CNTNAP2: variants seen among roughly 807,000 people sequenced by gnomAD.
CNTNAP2 encodes the protein contactin-associated protein-like 2.
CNTNAP2 carries 98 observed loss-of-function variants against 155.2 expected under a neutral mutation model. The observed-to-expected ratio is 0.63, with a 90% confidence interval of 0.54 to 0.75. The LOEUF is 0.75. CNTNAP2 is among the 30% of genes least tolerant of loss of function. The pLI is 0.00. For missense variants in CNTNAP2, 1,727 were observed against 1,688.1 expected, an observed-to-expected ratio of 1.02 and a Z score of -0.40; for synonymous variants, 651 against 631.2, an observed-to-expected ratio of 1.03 and a Z score of -0.47.
intron 2 of CNTNAP2, among the ~76,000 whole-genome samples, chr7:146,823,103 T>C (rs1375653777): frequency 8.6e-5 from 6 of 69,904 alleles, no homozygotes; most frequent in African/African-American, 2.6e-4. Context: ...ATACTCATTC[T>C]TCAGCATATT....
chr7:147,653,957 T>C (rs747603851), intron 13 of CNTNAP2, among the ~76,000 whole-genome samples: 47 of 152,226 alleles, frequency 3.1e-4, no homozygotes, highest in Non-Finnish European at 5.7e-4. Context: ...ATCAACATTA[T>C]GAGACGTTGA....
At chr7:146,197,455 C>T (rs2116861332) in intron 1 of CNTNAP2, among the ~76,000 whole-genome samples, 1 of 152,214 alleles carries the variant, frequency 6.6e-6, no homozygotes. Flanking sequence ...GACAGTGTGA[C>T]TGAAATTTAA....
chr7:148,034,559 A>G (rs1233356384), intron 15 of CNTNAP2, among the ~76,000 whole-genome samples: 1 of 152,160 alleles, frequency 6.6e-6, no homozygotes, highest in Non-Finnish European at 1.5e-5. Flanking sequence ...TTGATCTTGA[A>G]CTTCTGTGCT....
At chr7:146,827,337 T>C (rs911027342) in intron 2 of CNTNAP2, among the ~76,000 whole-genome samples, 8 of 152,052 alleles carry the variant, frequency 5.3e-5, no homozygotes, top group African/African-American at 1.9e-4. Context: ...GATTTTCTTA[T>C]TGATATCCAT....
intron 14 of CNTNAP2, among the ~76,000 whole-genome samples, chr7:147,961,748 C>A (rs2250528): frequency 2.0e-5 from 3 of 151,972 alleles, no homozygotes; most frequent in Admixed American, 1.3e-4. Context: ...ACTGGCATTA[C>A]AATTTTTATT....
chr7:147,168,590 G>T (rs1028933873), intron 8 of CNTNAP2, among the ~76,000 whole-genome samples: 9 of 151,924 alleles, frequency 5.9e-5, no homozygotes, highest in Non-Finnish European at 1.2e-4. Context: ...AACAAAACTC[G>T]TGAAGATTTA....
chr7:148,348,400 A>G (rs1369300128), intron 21 of CNTNAP2, among the ~76,000 whole-genome samples: 1 of 152,252 alleles, frequency 6.6e-6, no homozygotes, highest in Non-Finnish European at 1.5e-5. Context: ...ATATTTAAAA[A>G]TATATATTGC....
At chr7:146,570,837 A>G (rs1345914049) in intron 1 of CNTNAP2, among the ~76,000 whole-genome samples, 1 of 151,972 alleles carries the variant, frequency 6.6e-6, no homozygotes, top group Non-Finnish European at 1.5e-5. Context: ...AACATTTTGA[A>G]TATAGCCAAA....
rs1163328748 is a variant in CNTNAP2, at chr7:147,476,817, A to G, written c.1671-9118A>G. ...GTGGCAGGCACCTGTAATCCCAGCT[A>G]CTCAGGAGGCTGAGACAGGAGAATC... On this transcript the variant is annotated intron_variant, in intron 10 of 23. Transcript: ENST00000361727. 2.6e-5 allele frequency among the ~76,000 whole-genome samples: 4 copies of G among 151,932 alleles called. No homozygotes were observed. In the East Asian group the frequency reaches 7.8e-4, roughly 29 times the overall value.
At chr7:147,281,134 A>G (rs1563144777) in intron 8 of CNTNAP2, among the ~76,000 whole-genome samples, 1 of 152,078 alleles carries the variant, frequency 6.6e-6, no homozygotes, top group African/African-American at 2.4e-5. Flanking sequence ...ATGTTCACAT[A>G]TAACTTAAAA....
intron 1 of CNTNAP2, among the ~76,000 whole-genome samples, chr7:146,559,827 T>A (rs1323888587): frequency 7.2e-6 from 1 of 139,678 alleles, no homozygotes; most frequent in Admixed American, 7.1e-5. Context: ...ATTTGATGAA[T>A]GCTGTTGTCA....
chr7:147,727,012 T>C (rs1796654724), intron 13 of CNTNAP2, among the ~76,000 whole-genome samples: 1 of 127,578 alleles, frequency 7.8e-6, no homozygotes, highest in South Asian at 2.5e-4. Flanking sequence ...CATATGCGTA[T>C]ATGTATATGT....
At chr7:147,325,534 T>G (rs961565511) in intron 9 of CNTNAP2, among the ~76,000 whole-genome samples, 2 of 152,160 alleles carry the variant, frequency 1.3e-5, no homozygotes, top group African/African-American at 4.8e-5. Flanking sequence ...ATAGTTTGCT[T>G]TATTTACAAA....
At chr7:147,751,767 C>T (rs1797139428) in intron 13 of CNTNAP2, among the ~76,000 whole-genome samples, 1 of 152,228 alleles carries the variant, frequency 6.6e-6, no homozygotes, top group East Asian at 1.9e-4. Context: ...TTCCTTTTCT[C>T]ATTTTACTAC....
intron 8 of CNTNAP2, among the ~76,000 whole-genome samples, chr7:147,262,514 G>A (rs1022941723): frequency 6.6e-6 from 1 of 152,116 alleles, no homozygotes; most frequent in African/African-American, 2.4e-5. Flanking sequence ...AAAGGACGCA[G>A]GGAGGCCGGG....
intron 21 of CNTNAP2, among the ~76,000 whole-genome samples, chr7:148,299,754 T>C (rs1036082111): frequency 6.6e-6 from 1 of 152,222 alleles, no homozygotes; most frequent in Non-Finnish European, 1.5e-5. Flanking sequence ...TAGAAATGCA[T>C]AAAATGATGA....
intron 1 of CNTNAP2, among the ~76,000 whole-genome samples, chr7:146,225,630 A>G (rs1799280953): frequency 6.6e-6 from 1 of 152,214 alleles, no homozygotes; most frequent in Admixed American, 6.5e-5. Context: ...GTGCACAGAC[A>G]GTCATGGTTC....
At chr7:146,495,993 C>T (rs1475487759) in intron 1 of CNTNAP2, among the ~76,000 whole-genome samples, 1 of 152,124 alleles carries the variant, frequency 6.6e-6, no homozygotes, top group African/African-American at 2.4e-5. Flanking sequence ...GAGGCTCCTT[C>T]CTACTTCTTA....
At chr7:146,159,903 A>G (rs1798190398) in intron 1 of CNTNAP2, among the ~76,000 whole-genome samples, 1 of 152,212 alleles carries the variant, frequency 6.6e-6, no homozygotes. Context: ...ATAGACATCT[A>G]CAGAACTCTC....
Sources: gnomAD v4.1 joint callset for allele counts (sites outside exome capture counted in the v4.1 genomes callset) on GRCh38, gnomAD v4.1.1 for gene constraint, MANE v1.5 for transcripts, NCBI Gene and HGNC (gene_info 2026-07-23, HGNC 2026-07-21) for gene names.